Variants in PALM2AKAP2 observed in about 807,000 individuals in gnomAD.
PALM2AKAP2 encodes PALM2-AKAP2 fusion protein.
Under a neutral mutation model 71.5 loss-of-function variants are expected in PALM2AKAP2, and 37 were observed. The ratio of observed to expected loss-of-function variants is 0.52; its 90% CI spans 0.40 to 0.68. The LOEUF (loss-of-function observed/expected upper bound fraction) is 0.68, where lower values mean the gene tolerates loss of function less well. PALM2AKAP2 is among the 30% of genes least tolerant of loss of function. PALM2AKAP2 has a pLI of 0.00. For synonymous variants in PALM2AKAP2, 468 were observed against 478.8 expected (o/e 0.98, Z 0.29); for missense variants, 1,224 against 1,191.8 (o/e 1.03, Z -0.40).
chr9:109,652,371 T>C (rs1827237007), intron 1 of PALM2AKAP2, among the ~76,000 whole-genome samples: 1 of 152,118 alleles, frequency 6.6e-6, no homozygotes. Context: ...TAACAGAGCC[T>C]GGCACCTCCT....
chr9:110,137,427 T>C, exon 2 of PALM2AKAP2: 1 of 1,614,092 alleles, frequency 6.2e-7, no homozygotes, highest in Non-Finnish European at 8.5e-7. Context: ...CCCGGTGCCC[T>C]GGAGACCCCA....
intron 1 of PALM2AKAP2, among the ~76,000 whole-genome samples, chr9:109,692,320 A>G (rs2118553414): frequency 6.6e-6 from 1 of 152,112 alleles, no homozygotes; most frequent in South Asian, 2.1e-4. Context: ...TGCTAAACTC[A>G]TTAATTAGTT....
intron 1 of PALM2AKAP2, among the ~76,000 whole-genome samples, chr9:110,075,385 CAT>C (rs1294841102): frequency 1.3e-5 from 2 of 152,166 alleles, no homozygotes; most frequent in Middle Eastern, 3.4e-3. Flanking sequence ...TTCATAAAAA[CAT>C]ATAATTTCCC....
rs539862763 is a variant in PALM2AKAP2 at position 109,683,465 on chromosome 9, C to T, written c.5+42599C>T. On this transcript the variant is annotated intron_variant, in intron 1 of 6. Coordinates refer to the PALM2AKAP2 transcript ENST00000374531. ...GGACAGAAAGGATTGCTAACCTCCA[C>T]CAGAAGCAGGGAGAGAAGGCAGGAA... Among the ~76,000 whole-genome samples the T allele has an allele frequency of 2.6e-5, 4 of 152,224 alleles. No homozygotes were observed. The East Asian group carries it at 5.8e-4, about 22-fold the overall frequency.
At chr9:109,814,936 A>T (rs994874762) in intron 1 of PALM2AKAP2, among the ~76,000 whole-genome samples, 4 of 152,116 alleles carry the variant, frequency 2.6e-5, no homozygotes, top group Non-Finnish European at 4.4e-5. Context: ...TCAGGAAGTG[A>T]TCTAGTTGGA....
chr9:109,780,392 C>T, upstream of PALM2AKAP2: 1 of 1,607,216 alleles, frequency 6.2e-7, no homozygotes, highest in Non-Finnish European at 8.5e-7. Context: ...CTCCCGGGTT[C>T]TAGCAAAGCC....
chr9:109,937,365 TC>T (rs1225827141), intron 6 of PALM2AKAP2, among the ~76,000 whole-genome samples: 1 of 152,144 alleles, frequency 6.6e-6, no homozygotes, highest in Non-Finnish European at 1.5e-5. Context: ...TCAGGGCGTT[TC>T]CCTATTGATG....
chr9:109,641,835 A>G (rs1464240596), intron 1 of PALM2AKAP2, among the ~76,000 whole-genome samples: 1 of 152,206 alleles, frequency 6.6e-6, no homozygotes, highest in Non-Finnish European at 1.5e-5. Context: ...ACCAAACCCA[A>G]GAAACCTTAG....
rs150140105 is a variant in PALM2AKAP2, at chr9:109,800,953, G to A, written c.45+20420G>A. On this transcript the variant is annotated intron_variant, in intron 1 of 9. Transcript: ENST00000302798. Reference sequence around the variant, plus strand: ...ATGTGTCAGTGTGGTAGTGATGAGTGGGAGATGGGGAATCAGCCTGAAGAA... The same window carrying A: ...ATGTGTCAGTGTGGTAGTGATGAGTAGGAGATGGGGAATCAGCCTGAAGAA... Among the ~76,000 whole-genome samples, 242 of 152,326 alleles carry A rather than the reference G, an allele frequency of 1.6e-3. 1 individual carries two copies. The highest frequency in any genetic ancestry group is 5.5e-3 in the African/African-American group (229 of 41,564).
chr9:109,808,318 G>A (rs563876672), intron 1 of PALM2AKAP2, among the ~76,000 whole-genome samples: 2 of 152,186 alleles, frequency 1.3e-5, no homozygotes, highest in East Asian at 1.9e-4. Context: ...CCAGGCTGAC[G>A]TGGTCTCAGA....
chr9:109,643,706 G>T (rs1386876287), intron 1 of PALM2AKAP2, among the ~76,000 whole-genome samples: 1 of 152,148 alleles, frequency 6.6e-6, no homozygotes, highest in East Asian at 1.9e-4. Flanking sequence ...ACATTCCAAA[G>T]TTCTCACTTC....
intron 3 of PALM2AKAP2, among the ~76,000 whole-genome samples, chr9:109,903,930 A>G (rs1163595669): frequency 6.6e-6 from 1 of 152,170 alleles, no homozygotes; most frequent in Non-Finnish European, 1.5e-5. Context: ...TCTCTGGAAA[A>G]TCAGTTTAAC....
intron 1 of PALM2AKAP2, among the ~76,000 whole-genome samples, chr9:109,812,275 GA>G (rs1827745240): frequency 6.6e-6 from 1 of 152,096 alleles, no homozygotes; most frequent in African/African-American, 2.4e-5. Context: ...ATGAGGGAGG[GA>G]CAACATGGAG....
intron 6 of PALM2AKAP2, chr9:109,945,622 A>G (rs1831484664): frequency 6.6e-6 from 1 of 152,232 alleles, no homozygotes; most frequent in Non-Finnish European, 1.5e-5. Context: ...AACAATCTGA[A>G]AGCTTACCAT....
chr9:110,046,626 G>A (rs1204451440), upstream of PALM2AKAP2, among the ~76,000 whole-genome samples: 2 of 151,898 alleles, frequency 1.3e-5, no homozygotes, highest in African/African-American at 4.8e-5. Context: ...GCGCCACCAC[G>A]CTTGGCTAAT....
At chr9:110,061,090 CA>C (rs1833955895) in intron 1 of PALM2AKAP2, among the ~76,000 whole-genome samples, 1 of 152,204 alleles carries the variant, frequency 6.6e-6, no homozygotes, top group Admixed American at 6.5e-5. Flanking sequence ...ATGAACTCCA[CA>C]AGGGTCCTCT....
At chr9:109,999,493 G>A (rs1206237024) in intron 6 of PALM2AKAP2, among the ~76,000 whole-genome samples, 1 of 152,116 alleles carries the variant, frequency 6.6e-6, no homozygotes, top group East Asian at 1.9e-4. Flanking sequence ...CTGAGGCCTG[G>A]GACCATCTGT....
chr9:110,095,430 C>T (rs142314953), intron 1 of PALM2AKAP2, among the ~76,000 whole-genome samples: 1,712 of 152,170 alleles, frequency 0.011, 35 homozygotes, highest in Non-Finnish European at 0.013. Context: ...GAGGGGAGGC[C>T]CGCCTTCAAC....
chr9:109,735,440 T>A (rs886519350), intron 1 of PALM2AKAP2, among the ~76,000 whole-genome samples: 1 of 151,962 alleles, frequency 6.6e-6, no homozygotes, highest in Non-Finnish European at 1.5e-5. Context: ...AAAGGCAGTT[T>A]CATGGGACAA....
Sources: gnomAD v4.1 joint callset for allele counts (sites outside exome capture counted in the v4.1 genomes callset) on GRCh38, gnomAD v4.1.1 for gene constraint, MANE v1.5 for transcripts, NCBI Gene and HGNC (gene_info 2026-07-23, HGNC 2026-07-21) for gene names.